CATSPERD: variants seen among roughly 807,000 people sequenced by gnomAD.
CATSPERD encodes cation channel sperm-associated auxiliary subunit delta.
A neutral mutation model predicts 98.1 loss-of-function variants in CATSPERD; 86 were observed. The observed-to-expected ratio is 0.88, with a 90% CI of 0.74 to 1.05. CATSPERD has a LOEUF of 1.05. Among genes scored for constraint, CATSPERD ranks in the 50% least tolerant of loss-of-function variants. The pLI, the probability that CATSPERD is intolerant of heterozygous loss-of-function variation, is 0.00. For missense variants in CATSPERD, 995 were observed against 1,005.7 expected (o/e 0.99, Z 0.14); for synonymous variants, 394 against 390.2 (o/e 1.01, Z -0.12).
intron 18 of CATSPERD, among the ~76,000 whole-genome samples, chr19:5,769,134 ACAGAG>A: frequency 6.6e-6 from 1 of 151,286 alleles, no homozygotes; most frequent in African/African-American, 2.4e-5. Context: ...AGACTGGGCA[ACAGAG>A]CAAGACTCTG....
In CATSPERD at chr19:5,765,121, C is replaced by T. The variant is rs1239001976; in HGVS notation, c.1507-982C>T. ...ATGAGGTGTCACTATGTTGCCCAGA[C>T]TGGTCTCTAACTCCTGGCCTCAAGC... On this transcript the variant is annotated intron_variant, in intron 16 of 21. Coordinates refer to ENST00000381624, the MANE Select transcript of CATSPERD (RefSeq NM_152784.4). 2.0e-5 allele frequency among the ~76,000 whole-genome samples: 3 copies of T among 152,090 alleles called. 1 individual carries two copies. The South Asian group carries it at 6.2e-4, about 31-fold the overall frequency.
intron 4 of CATSPERD, 95 bp from the exon 5 acceptor site, chr19:5,733,761 T>G: frequency 2.8e-6 from 1 of 362,004 alleles, no homozygotes; most frequent in Non-Finnish European, 4.6e-6. Context: ...CGTCCATACA[T>G]TTTTTTTTTT....
At chr19:5,721,676 TA>T (rs1374983540) in intron 1 of CATSPERD, among the ~76,000 whole-genome samples, 2 of 152,088 alleles carry the variant, frequency 1.3e-5, no homozygotes, top group African/African-American at 4.8e-5. Context: ...TATTTATTAT[TA>T]TTTTTTGTAC....
intron 4 of CATSPERD, among the ~76,000 whole-genome samples, 170 bp from the exon 5 acceptor site, chr19:5,733,686 A>G (rs1438694463): frequency 6.6e-6 from 1 of 151,342 alleles, no homozygotes; most frequent in Non-Finnish European, 1.5e-5. Context: ...CAAACTCCTG[A>G]CCTCGGTGAT....
intron 10 of CATSPERD, 66 bp from the exon 11 acceptor site, chr19:5,749,035 T>C: frequency 7.2e-7 from 1 of 1,395,492 alleles, no homozygotes; most frequent in Non-Finnish European, 1.0e-6. Context: ...CAACCACACT[T>C]ATGTTTTTGT....
intron 4 of CATSPERD, 25 bp from the exon 5 acceptor site, chr19:5,733,831 A>C (rs149980522): frequency 2.1e-6 from 3 of 1,417,034 alleles, no homozygotes; most frequent in East Asian, 2.3e-5. Context: ...GCTCTCATTG[A>C]TATCATCCAT....
intron 4 of CATSPERD, among the ~76,000 whole-genome samples, chr19:5,730,813 C>T (rs540337134): frequency 1.3e-5 from 2 of 151,286 alleles, no homozygotes; most frequent in African/African-American, 4.9e-5. Flanking sequence ...GAGATTAAGA[C>T]CACGGTGAAA....
intron 16 of CATSPERD, among the ~76,000 whole-genome samples, chr19:5,763,668 G>A (rs1285184871): frequency 6.6e-6 from 1 of 151,798 alleles, no homozygotes; most frequent in Non-Finnish European, 1.5e-5. Flanking sequence ...TGAAGCAGTT[G>A]AAAGCAGGCA....
rs869295948 is a variant in CATSPERD, at chr19:5,762,058, A to AT, written c.1428-1134dup. Among the ~76,000 whole-genome samples, 70 of 10,446 alleles carry AT rather than the reference A, an allele frequency of 6.7e-3. 8 individuals carry two copies. The highest frequency in any genetic ancestry group is 0.029 in the East Asian group (10 of 348). The allele number at this position is 10,446 out of a possible 152,430, so 6.9% of individuals were successfully genotyped here. A position where few individuals can be genotyped will look rare whatever the true frequency, so the allele number is the denominator to read the frequency against. ...TGGCCTGCCATATATATATATATAT[A>AT]TTTTTTTTTTTTTTTTTTTTTTTGA... On this transcript the variant is annotated intron_variant, in intron 15 of 21. Transcript: ENST00000381624.
At chr19:5,769,969 G>A (rs1421124992) in intron 18 of CATSPERD, among the ~76,000 whole-genome samples, 5 of 151,310 alleles carry the variant, frequency 3.3e-5, no homozygotes, top group Admixed American at 6.6e-5. Context: ...CATGCCTGTA[G>A]TCCCAGCTAC....
In CATSPERD at chr19:5,733,981, T is replaced by G. The variant is rs1366542656; in HGVS notation, c.391+11T>G. 19 of 1,537,848 alleles carry G rather than the reference T, an allele frequency of 1.2e-5. No homozygotes were observed. The highest frequency in any genetic ancestry group is 1.6e-5 in the Non-Finnish European group (18 of 1,123,370). On this transcript the variant is annotated intron_variant, in intron 5 of 21. Transcript: ENST00000381624. ...GGAGCATGTCTTTAGGTATGTACATTTTGTATTTTTAAATTTTGTTTGAGT... is the reference window on the plus strand; with the variant it reads ...GGAGCATGTCTTTAGGTATGTACATGTTGTATTTTTAAATTTTGTTTGAGT...
intron 12 of CATSPERD, among the ~76,000 whole-genome samples, chr19:5,752,776 C>G (rs2056245399): frequency 6.6e-6 from 1 of 151,994 alleles, no homozygotes; most frequent in African/African-American, 2.4e-5. Flanking sequence ...TCCTGTAATC[C>G]TAACACTTTG....
At chr19:5,756,658 T>C (rs1189297266) in intron 13 of CATSPERD, among the ~76,000 whole-genome samples, 1 of 151,754 alleles carries the variant, frequency 6.6e-6, no homozygotes, top group Non-Finnish European at 1.5e-5. Context: ...TTAAATGCAT[T>C]TTCAGGCCAG....
chr19:5,768,583 A>G (rs545666251), intron 18 of CATSPERD, among the ~76,000 whole-genome samples: 1 of 151,328 alleles, frequency 6.6e-6, no homozygotes, highest in African/African-American at 2.4e-5. Flanking sequence ...TGATCCGCCC[A>G]CCTCAGCCTC....
intron 4 of CATSPERD, among the ~76,000 whole-genome samples, chr19:5,730,884 G>A (rs996660569): frequency 6.6e-6 from 1 of 151,724 alleles, no homozygotes; most frequent in Non-Finnish European, 1.5e-5. Flanking sequence ...GCTTGTAGTC[G>A]CAGCTACTTG....
chr19:5,756,006 C>T (rs1467676729), intron 13 of CATSPERD, among the ~76,000 whole-genome samples: 1 of 151,482 alleles, frequency 6.6e-6, no homozygotes, highest in East Asian at 1.9e-4. Flanking sequence ...ATTGTCCAGG[C>T]GCGGTGGCTC....
chr19:5,751,015 A>G (rs1568357758), intron 11 of CATSPERD, among the ~76,000 whole-genome samples: 1 of 150,230 alleles, frequency 6.7e-6, no homozygotes, highest in Admixed American at 6.7e-5. Context: ...GGAGTTCAAG[A>G]CCAGCCTGAT....
intron 11 of CATSPERD, among the ~76,000 whole-genome samples, chr19:5,750,869 CTT>C (rs1281226979): frequency 2.6e-5 from 4 of 151,878 alleles, no homozygotes; most frequent in African/African-American, 9.7e-5. Context: ...CTTCCTTTCT[CTT>C]TCTCTCTTCC....
intron 8 of CATSPERD, among the ~76,000 whole-genome samples, chr19:5,745,269 A>G (rs1355781999): frequency 6.6e-6 from 1 of 151,854 alleles, no homozygotes; most frequent in Non-Finnish European, 1.5e-5. Context: ...CCATTTCAGT[A>G]TGTAATCAAT....
Sources: gnomAD v4.1 joint callset for allele counts (sites outside exome capture counted in the v4.1 genomes callset) on GRCh38, gnomAD v4.1.1 for gene constraint, MANE v1.5 for transcripts, NCBI Gene and HGNC (gene_info 2026-07-23, HGNC 2026-07-21) for gene names.